The following KRT84 variants were observed in gnomAD, a reference collection of about 807,000 sequenced individuals.
The protein encoded by KRT84 is keratin 84, also known as keratin, type II cuticular Hb4.
A neutral mutation model predicts 49.0 loss-of-function variants in KRT84; 38 were observed. The ratio of observed to expected loss-of-function variants is 0.78; its 90% confidence interval spans 0.60 to 1.02. KRT84 has a LOEUF of 1.02. Among genes scored for constraint, KRT84 ranks in the 50% least tolerant of loss-of-function variants. KRT84 has a pLI of 0.00. For synonymous variants in KRT84, 334 were observed against 312.8 expected, an observed-to-expected ratio of 1.07 and a Z score of -0.72; for missense variants, 860 against 788.6, an observed-to-expected ratio of 1.09 and a Z score of -1.08.
At position 52,378,368 on chromosome 12, in the gene KRT84, G is replaced by C; in HGVS notation, c.1469C>G (p.Ser490Cys). The change falls in exon 9 of 9, where the codon TCC becomes TGC. Residue 490 changes from serine (S) to cysteine (C), a missense_variant. Coordinates refer to ENST00000257951, the MANE Select transcript of KRT84 (RefSeq NM_033045.4). ...VGPVNISVSS[S>C]RGGLVCGPEP... ...AGGCCCGCACACCAGGCCGCCCCGG[G>C]AGCTGCTGACGGCTGCGGAGAAAGA... The C allele has an allele frequency of 6.8e-7, 1 of 1,469,418 alleles. No homozygotes were observed. The highest frequency in any genetic ancestry group is 9.0e-7 in the Non-Finnish European group (1 of 1,113,774). The allele number at this position is 1,469,418 out of a possible 1,614,324, so 91.0% of individuals were successfully genotyped here.
intron 8 of KRT84, 98 bp downstream of exon 8, chr12:52,379,778 G>A (rs557499480): frequency 2.3e-4 from 226 of 962,678 alleles, no homozygotes; most frequent in African/African-American, 2.0e-4. Context: ...TGGCCAGACC[G>A]GCCATGTCGG....
In KRT84 at chr12:52,377,933, A is replaced by AGCTGGAGACCGTCAAGCCC; in HGVS notation, c.*82_*100dup. The AGCTGGAGACCGTCAAGCCC allele has an allele frequency of 2.4e-6, 2 of 846,086 alleles. No individual in the cohort carries two copies. The highest frequency in any genetic ancestry group is 3.3e-6 in the Non-Finnish European group (2 of 599,420). 52.4% of individuals were successfully genotyped at this position (846,086 alleles called of 1,614,324 possible). A position where few individuals can be genotyped will look rare whatever the true frequency, so the allele number is the denominator to read the frequency against. On this transcript the variant is annotated 3_prime_UTR_variant, in exon 9 of 9. Coordinates refer to ENST00000257951, the MANE Select transcript of KRT84 (RefSeq NM_033045.4). Reference sequence around the variant, plus strand: ...GGGGTGGCTTCCTGGCAGAAAGGGGAGCTGGAGACCGTCAAGCCCAGAGCC... The same window carrying AGCTGGAGACCGTCAAGCCC: ...GGGGTGGCTTCCTGGCAGAAAGGGGAGCTGGAGACCGTCAAGCCCGCTGGAGACCGTCAAGCCCAGAGCC...
intron 2 of KRT84, 42 bp downstream of exon 2, chr12:52,383,548 G>T: frequency 6.4e-7 from 1 of 1,564,644 alleles, no homozygotes; most frequent in Non-Finnish European, 8.8e-7. Flanking sequence ...CTGGGGCCAG[G>T]CCTGGCCTGT....
Position 52,385,226 on chromosome 12 carries a change from A to G in KRT84, c.360T>C (p.Pro120=). ...GSGIGYGFGG[P]GFGYRVGGVG... ...CCCCTCCAACTCTGTAACCAAAGCC[A>G]GGGCCACCAAAGCCATAGCCAATGC... Residue 120 remains proline, a synonymous_variant, in exon 1 of 9, where the codon CCT becomes CCC. Coordinates refer to ENST00000257951, the MANE Select transcript of KRT84 (RefSeq NM_033045.4). The G allele has an allele frequency of 6.2e-7, 1 of 1,613,804 alleles. No homozygotes were observed. Among genetic ancestry groups the G allele is most frequent in the Middle Eastern group, 1.6e-4 (1 of 6,062 alleles).
chr12:52,378,430 C>T (rs1939425278), intron 8 of KRT84, 50 bp from the exon 9 acceptor site: 4 of 1,370,148 alleles, frequency 2.9e-6, no homozygotes, highest in Non-Finnish European at 3.8e-6. Context: ...GGGCCCTCCA[C>T]CTCCATGCTA....
intron 8 of KRT84, among the ~76,000 whole-genome samples, chr12:52,379,551 A>G (rs2121432236): frequency 6.6e-6 from 1 of 152,350 alleles, no homozygotes; most frequent in Middle Eastern, 3.4e-3. Context: ...GAGGCGTCCC[A>G]TTCCTTCTAA....
chr12:52,378,073 G>T lies in KRT84; in HGVS notation c.1764C>A (p.Arg588=). Residue 588 remains arginine (R), a synonymous_variant, in exon 9 of 9, where the codon CGC becomes CGA. Transcript: ENST00000257951. The part of the protein sequence containing the change: ...SCSGGRSSSV[R]FVSTTTSCRT... Reference sequence around the variant, plus strand: ...GGCAGGAGGTGGTGGTGGACACAAAGCGGACGCTGGAGCTGCGGCCGCCGC... The same window carrying T: ...GGCAGGAGGTGGTGGTGGACACAAATCGGACGCTGGAGCTGCGGCCGCCGC... The T allele has an allele frequency of 1.3e-6, 2 of 1,496,436 alleles. No homozygotes were observed. Among genetic ancestry groups the T allele is most frequent in the South Asian group, 2.8e-5 (2 of 71,380 alleles). 92.7% of individuals were successfully genotyped at this position (1,496,436 alleles called of 1,614,324 possible).
intron 8 of KRT84, among the ~76,000 whole-genome samples, chr12:52,379,449 G>A (rs905250864): frequency 6.6e-6 from 1 of 152,230 alleles, no homozygotes; most frequent in Non-Finnish European, 1.5e-5. Context: ...CGTGCTTTGG[G>A]TACAACCCAT....
chr12:52,378,062 G>T lies in KRT84; in HGVS notation c.1775C>A (p.Thr592Asn). The change falls in exon 9 of 9, where the codon ACC (threonine) becomes AAC (asparagine). Residue 592 changes from threonine (T) to asparagine (N), a missense_variant. Coordinates refer to ENST00000257951, the MANE Select transcript of KRT84 (RefSeq NM_033045.4). Reference protein sequence around the residue: ...GRSSSVRFVSTTTSCRTKY With the variant: ...GRSSSVRFVSNTTSCRTKY ...GTACTTGGTCCGGCAGGAGGTGGTG[G>T]TGGACACAAAGCGGACGCTGGAGCT... 1 of 1,484,780 alleles carries T rather than the reference G, an allele frequency of 6.7e-7. No homozygotes were observed. 92.0% of individuals were successfully genotyped at this position (1,484,780 alleles called of 1,614,324 possible). A position where few individuals can be genotyped will look rare whatever the true frequency, so the allele number is the denominator to read the frequency against.
intron 8 of KRT84, among the ~76,000 whole-genome samples, chr12:52,379,058 T>G (rs1214180416): frequency 6.6e-6 from 1 of 152,214 alleles, no homozygotes. Context: ...AGAAAGCCAT[T>G]GCCTGTGGCT....
upstream of KRT84, among the ~76,000 whole-genome samples, chr12:52,386,304 A>G (rs1047501910): frequency 6.6e-6 from 1 of 152,078 alleles, no homozygotes; most frequent in Non-Finnish European, 1.5e-5. Context: ...AGTGCCTGCT[A>G]TGTATCCAGC....
intron 6 of KRT84, 23 bp from the exon 7 acceptor site, chr12:52,380,606 G>A (rs1260660152): frequency 6.3e-7 from 1 of 1,580,720 alleles, no homozygotes; most frequent in Non-Finnish European, 8.6e-7. Flanking sequence ...CAGTTTGCAG[G>A]TAGGCTTCGG....
chr12:52,381,114 C>G lies in KRT84; in HGVS notation c.1169G>C (p.Arg390Thr), dbSNP rs768231537. The G allele has an allele frequency of 1.9e-6, 3 of 1,614,134 alleles. 1 individual carries two copies. In the South Asian group the frequency reaches 3.3e-5, roughly 18 times the overall value. ...GGCGTGCTCAATCTCTGCCTTAAGC[C>G]TCTGGATCAGGCGGGTCAGTTCGTT... ...EINELTRLIQ[R>T]LKAEIEHAKA... is the part of the protein sequence containing the mutation. Residue 390 changes from arginine (R) to threonine (T), a missense_variant, in exon 6 of 9, where the codon AGG (arginine) becomes ACG (threonine). By Grantham distance (71) the Arg-to-Thr change is moderately conservative. Transcript: ENST00000257951.
chr12:52,378,264 C>T lies in KRT84; in HGVS notation c.1573G>A (p.Gly525Arg). Residue 525 changes from glycine to arginine, a missense_variant, in exon 9 of 9, where the codon GGG becomes AGG. Physicochemically the swap from Gly to Arg is moderately radical, Grantham distance 125. Coordinates refer to ENST00000257951, the MANE Select transcript of KRT84 (RefSeq NM_033045.4). ...SGSSSVCATS[G>R]VLASCGPSLG... ...CTGGGGCCACAGGAAGCCAGGACCCCACTGGTGGCACAGACGCTGCTGCTA... is the reference window on the plus strand; with the variant it reads ...CTGGGGCCACAGGAAGCCAGGACCCTACTGGTGGCACAGACGCTGCTGCTA... 1.3e-6 allele frequency: 2 copies of T among 1,554,614 alleles called. No homozygotes were observed. The highest frequency in any genetic ancestry group is 1.7e-6 in the Non-Finnish European group (2 of 1,151,050).
chr12:52,382,624 C>A, intron 3 of KRT84, 92 bp from the exon 4 acceptor site: 1 of 1,001,172 alleles, frequency 1.0e-6, no homozygotes, highest in African/African-American at 1.6e-5. Flanking sequence ...GAGGCAGCCA[C>A]TTCCCACAGA....
rs780158521 is a variant in KRT84 at position 52,385,061 on chromosome 12, C to T, written c.525G>A (p.Lys175=). The change falls in exon 1 of 9, where the codon AAG becomes AAA. Residue 175 remains lysine (K), a synonymous_variant. Transcript: ENST00000257951. ...GTACCTTGTCAATGAAGGAGGCAAA[C>T]TTGTTGTTGAGGGTCTTGATTTGCT... ...EKEQIKTLNN[K]FASFIDKVRF... is the part of the protein sequence containing the mutation. 1.2e-5 allele frequency: 19 copies of T among 1,607,466 alleles called. No homozygotes were observed. The highest frequency in any genetic ancestry group is 1.4e-5 in the Non-Finnish European group (17 of 1,176,984).
rs530579836 is a variant in KRT84 at position 52,383,920 on chromosome 12, A to G, written c.547-122T>C. The G allele has an allele frequency of 6.0e-5, 46 of 763,238 alleles. No homozygotes were observed. The African/African-American group carries it at 7.2e-4, about 12-fold the overall frequency. 47.3% of individuals were successfully genotyped at this position (763,238 alleles called of 1,614,324 possible). ...GTCGACAGGGTTCTCTCCTCTGCTG[A>G]CTTTCATTCCTCCACTAACTCAGCA... On this transcript the variant is annotated intron_variant, in intron 1 of 8. Transcript: ENST00000257951.
In KRT84 at chr12:52,385,566, C is replaced by T. The variant is rs149647806; in HGVS notation, c.20G>A (p.Arg7Gln). The T allele has an allele frequency of 3.4e-5, 55 of 1,613,446 alleles. No individual in the cohort carries two copies. Among genetic ancestry groups the T allele is most frequent in the East Asian group, 2.0e-4 (9 of 44,872 alleles). The change falls in exon 1 of 9, where the codon CGA (arginine) becomes CAA (glutamine). Residue 7 changes from arginine to glutamine, a missense_variant. By Grantham distance (43) the Arg-to-Gln change is conservative. Transcript: ENST00000257951. The stretch of plus-strand genomic sequence containing the variant: ...GCCCACCCGGTGACCAGAGCTGACT[C>T]GGTAGGAGCGGCAAGACATGATGGC... MSCRSY[R>Q]VSSGHRVGNF...
chr12:52,384,823 G>A (rs945679656), intron 1 of KRT84, among the ~76,000 whole-genome samples: 3 of 152,230 alleles, frequency 2.0e-5, no homozygotes, highest in South Asian at 4.1e-4. Flanking sequence ...CAACACTGTC[G>A]GAATCTATCC....
Sources: allele counts gnomAD v4.1 joint callset (sites outside exome capture counted in the v4.1 genomes callset), GRCh38; gene constraint gnomAD v4.1.1; transcripts MANE v1.5; gene names NCBI Gene and HGNC (gene_info 2026-07-23, HGNC 2026-07-21).